The following LRP6 variants were observed in gnomAD, a reference collection of about 807,000 sequenced individuals.
The protein encoded by LRP6 is LDL receptor related protein 6.
In LRP6, 43 loss-of-function variants were observed where a neutral mutation model predicts 184.1. The observed-to-expected ratio is 0.23, with a 90% CI of 0.18 to 0.30. LRP6 has a LOEUF of 0.30. Among genes scored for constraint, LRP6 ranks in the 10% least tolerant of loss-of-function variants. The probability of loss-of-function intolerance (pLI) is 1.00; values close to 1 mark genes in which losing one functional copy is unlikely to be tolerated. For synonymous variants in LRP6, 719 were observed against 684.9 expected (o/e 1.05, Z -0.78); for missense variants, 1,571 against 2,005.3 (o/e 0.78, Z 4.14).
chr12:12,135,479 C>CATTATTATTATTATTATTATTATT (rs35053686), intron 16 of LRP6, among the ~76,000 whole-genome samples, 179 bp from the exon 17 acceptor site: 24 of 144,158 alleles, frequency 1.7e-4, no homozygotes, highest in Non-Finnish European at 2.7e-4. Context: ...TTACTTTTAT[C>CATTATTATTATTATTATTATTATT]ATTATTATTA....
At chr12:12,225,200 G>C (rs552766028) in intron 2 of LRP6, among the ~76,000 whole-genome samples, 1 of 152,224 alleles carries the variant, frequency 6.6e-6, no homozygotes, top group South Asian at 2.1e-4. Flanking sequence ...GCGACAAAGC[G>C]AGACTCCACC....
chr12:12,253,075 C>G (rs1402729477), intron 1 of LRP6, among the ~76,000 whole-genome samples: 1 of 151,888 alleles, frequency 6.6e-6, no homozygotes, highest in Non-Finnish European at 1.5e-5. Flanking sequence ...ACCAGCCTGG[C>G]CAACATGGCG....
chr12:12,219,888 C>T (rs1275963738), intron 2 of LRP6, among the ~76,000 whole-genome samples: 3 of 152,042 alleles, frequency 2.0e-5, no homozygotes, highest in East Asian at 1.9e-4. Context: ...AGGAGGAGGA[C>T]GTAGAGGTCA....
At chr12:12,262,557 CAA>C (rs57218812) in intron 1 of LRP6, among the ~76,000 whole-genome samples, 12 of 74,418 alleles carry the variant, frequency 1.6e-4, no homozygotes, top group Non-Finnish European at 1.6e-4. Context: ...GACTCCGTCT[CAA>C]AAAAAAAAAA....
chr12:12,257,800 A>AAAAAT (rs1865506980), intron 1 of LRP6, among the ~76,000 whole-genome samples: 1 of 143,630 alleles, frequency 7.0e-6, no homozygotes, highest in East Asian at 2.0e-4. Context: ...AAAAAAAAAA[A>AAAAAT]AAAAAAAAAA....
At chr12:12,128,685 C>A (rs568083687) in intron 19 of LRP6, among the ~76,000 whole-genome samples, 79 of 152,134 alleles carry the variant, frequency 5.2e-4, no homozygotes, top group Non-Finnish European at 1.0e-3. Flanking sequence ...TACACGCCTG[C>A]CTAAAGGCAT....
intron 7 of LRP6, among the ~76,000 whole-genome samples, chr12:12,173,791 C>T (rs977976415): frequency 2.0e-5 from 3 of 152,150 alleles, no homozygotes; most frequent in African/African-American, 4.8e-5. Context: ...CAATAATCAA[C>T]TAGCAATTTT....
intron 2 of LRP6, among the ~76,000 whole-genome samples, chr12:12,215,873 A>G (rs1474259388): frequency 1.3e-5 from 2 of 151,610 alleles, no homozygotes; most frequent in African/African-American, 2.4e-5. Flanking sequence ...TTAGCCAGGC[A>G]TGGTGGCGAG....
intron 18 of LRP6, among the ~76,000 whole-genome samples, 196 bp from the exon 19 acceptor site, chr12:12,131,089 T>A (rs918157431): frequency 1.3e-5 from 2 of 149,332 alleles, no homozygotes; most frequent in African/African-American, 4.9e-5. Context: ...AGCAGGAAAT[T>A]TCCTAACATT....
At position 12,159,148 on chromosome 12, in the gene LRP6, G is replaced by A. The variant is rs201428451; in HGVS notation, c.2472C>T (p.Asn824=). ...GCAAGTCATCTGCTATAACTTCACGGTTGAGCCCTATTTTCAGAAAGGCAG... is the reference window on the plus strand; with the variant it reads ...GCAAGTCATCTGCTATAACTTCACGATTGAGCCCTATTTTCAGAAAGGCAG... The part of the protein sequence containing the change: ...LIESSNMLGL[N]REVIADDLPH... Residue 824 remains asparagine (N), a synonymous_variant, in exon 12 of 23, where the codon AAC becomes AAT. Transcript: ENST00000261349. 1.7e-5 allele frequency: 27 copies of A among 1,613,708 alleles called. No homozygotes were observed. Among genetic ancestry groups the A allele is most frequent in the Admixed American group, 1.0e-4 (6 of 60,002 alleles).
chr12:12,207,269 G>C (rs1007306865), intron 2 of LRP6, among the ~76,000 whole-genome samples: 1 of 151,996 alleles, frequency 6.6e-6, no homozygotes, highest in African/African-American at 2.4e-5. Flanking sequence ...CTGTAATCCC[G>C]GCACTTTGGG....
At chr12:12,189,769 G>A (rs1863564252) in intron 3 of LRP6, among the ~76,000 whole-genome samples, 1 of 152,048 alleles carries the variant, frequency 6.6e-6, no homozygotes. Flanking sequence ...CTAAAATGCT[G>A]GGATTACAGG....
intron 3 of LRP6, among the ~76,000 whole-genome samples, chr12:12,198,873 C>G (rs1468330150): frequency 6.6e-6 from 1 of 151,896 alleles, no homozygotes; most frequent in Non-Finnish European, 1.5e-5. Context: ...ATATTGGTTC[C>G]TCAATGACTT....
At chr12:12,172,809 A>G (rs1201903790) in intron 7 of LRP6, among the ~76,000 whole-genome samples, 1 of 152,240 alleles carries the variant, frequency 6.6e-6, no homozygotes, top group East Asian at 1.9e-4. Context: ...TCTCACTGAG[A>G]TGACAAGTAT....
intron 12 of LRP6, among the ~76,000 whole-genome samples, chr12:12,157,634 C>T (rs1474035138): frequency 6.6e-6 from 1 of 152,102 alleles, no homozygotes; most frequent in Non-Finnish European, 1.5e-5. Flanking sequence ...GGCATCAGAA[C>T]AGACCAAATT....
chr12:12,144,747 G>C (rs1207212687), intron 15 of LRP6, among the ~76,000 whole-genome samples: 1 of 152,108 alleles, frequency 6.6e-6, no homozygotes, highest in East Asian at 1.9e-4. Context: ...AAAAGGATAA[G>C]TTCATGTCCT....
chr12:12,162,841 A>G (rs985015842), intron 9 of LRP6, among the ~76,000 whole-genome samples: 1 of 152,230 alleles, frequency 6.6e-6, no homozygotes, highest in African/African-American at 2.4e-5. Flanking sequence ...CTACCATTAT[A>G]GCACTGAGTC....
intron 21 of LRP6, 151 bp downstream of exon 21, chr12:12,125,145 T>C (rs1949655451): frequency 4.0e-6 from 3 of 755,932 alleles, no homozygotes; most frequent in Non-Finnish European, 4.5e-6. Context: ...GCATGGATGG[T>C]GGTGTGTGGT....
intron 15 of LRP6, among the ~76,000 whole-genome samples, chr12:12,139,169 A>C (rs1255111384): frequency 6.6e-6 from 1 of 152,212 alleles, no homozygotes; most frequent in African/African-American, 2.4e-5. Flanking sequence ...CTTCTTTTTC[A>C]TAACAGTCCT....
Sources: gnomAD v4.1 joint callset for allele counts (sites outside exome capture counted in the v4.1 genomes callset) on GRCh38, gnomAD v4.1.1 for gene constraint, MANE v1.5 for transcripts, NCBI Gene and HGNC (gene_info 2026-07-23, HGNC 2026-07-21) for gene names.